Variants in THSD4 observed in about 807,000 individuals in gnomAD.
The protein encoded by THSD4 is thrombospondin type-1 domain-containing protein 4.
THSD4 carries 69 observed loss-of-function variants against 119.0 expected under a neutral mutation model. That is an observed-to-expected ratio of 0.58 (90% CI 0.48 to 0.71). THSD4 has a LOEUF of 0.71. Among genes scored for constraint, THSD4 ranks in the 30% least tolerant of loss-of-function variants. The probability of loss-of-function intolerance (pLI) is 0.00; values close to 1 mark genes in which losing one functional copy is unlikely to be tolerated. For synonymous variants in THSD4, 524 were observed against 540.4 expected (o/e 0.97, Z 0.42); for missense variants, 1,393 against 1,391.1 (o/e 1.00, Z -0.02).
At chr15:71,683,722 C>T (rs1204598142) in intron 8 of THSD4, among the ~76,000 whole-genome samples, 1 of 152,154 alleles carries the variant, frequency 6.6e-6, no homozygotes, top group African/African-American at 2.4e-5. Context: ...CACCTGTAAT[C>T]CCAGCACTTT....
intron 6 of THSD4, among the ~76,000 whole-genome samples, chr15:71,275,716 T>A (rs1427415215): frequency 6.6e-6 from 1 of 152,156 alleles, no homozygotes; most frequent in Non-Finnish European, 1.5e-5. Flanking sequence ...TGGGGATAAT[T>A]GAATCATGGG....
intron 7 of THSD4, among the ~76,000 whole-genome samples, chr15:71,598,165 GT>G (rs1291307516): frequency 6.6e-6 from 1 of 152,180 alleles, no homozygotes; most frequent in Middle Eastern, 3.2e-3. Context: ...CGCCGAGCCA[GT>G]TTTAAAGTTA....
rs199855791 is a variant in THSD4, at chr15:71,700,728, G to GA, written c.1358-27818dup. Among the ~76,000 whole-genome samples, 974 of 152,174 alleles carry GA rather than the reference G, an allele frequency of 6.4e-3. 12 individuals are homozygous for GA. The highest frequency in any genetic ancestry group is 0.021 in the African/African-American group (884 of 41,548). ...ACAGGGATACCAAAGAGATGGTAAT[G>GA]AAATGAAATAATCTAGAAATAGACC... On this transcript the variant is annotated intron_variant, in intron 8 of 17. Coordinates refer to ENST00000261862, the MANE Select transcript of THSD4 (RefSeq NM_024817.3).
chr15:71,111,926 G>T, upstream of THSD4: 2 of 586,900 alleles, frequency 3.4e-6, no homozygotes, highest in Non-Finnish European at 5.9e-6. Flanking sequence ...AATACATTTG[G>T]GACACTCTGC....
chr15:71,614,252 T>C (rs2050283727), intron 7 of THSD4, among the ~76,000 whole-genome samples: 1 of 152,242 alleles, frequency 6.6e-6, no homozygotes, highest in African/African-American at 2.4e-5. Context: ...ACCATTTACT[T>C]CATTCTGTAT....
At chr15:71,628,057 C>T (rs1450138974) in intron 7 of THSD4, among the ~76,000 whole-genome samples, 25 of 152,208 alleles carry the variant, frequency 1.6e-4, no homozygotes, top group Admixed American at 1.6e-3. Context: ...AGTAGGATCA[C>T]CTGGGAAACA....
intron 8 of THSD4, among the ~76,000 whole-genome samples, chr15:71,687,326 T>C (rs1275167817): frequency 6.6e-6 from 1 of 152,218 alleles, no homozygotes; most frequent in Non-Finnish European, 1.5e-5. Context: ...AGTTATGGGA[T>C]ATTTGCTGTT....
chr15:71,590,907 G>A (rs2049784166), intron 7 of THSD4, among the ~76,000 whole-genome samples: 1 of 149,190 alleles, frequency 6.7e-6, no homozygotes, highest in African/African-American at 2.5e-5. Flanking sequence ...TCAGGAGGCT[G>A]AGGCAGGAGA....
intron 7 of THSD4, among the ~76,000 whole-genome samples, chr15:71,428,195 T>C (rs756426336): frequency 6.6e-6 from 1 of 152,218 alleles, no homozygotes; most frequent in Admixed American, 6.5e-5. Flanking sequence ...GGATCTGTTA[T>C]GGTATATATA....
At position 71,578,489 on chromosome 15, in the gene THSD4, G is replaced by A. The variant is rs1415467214; in HGVS notation, c.1153-82041G>A. Among the ~76,000 whole-genome samples the A allele has an allele frequency of 2.0e-5, 3 of 151,948 alleles. No homozygotes were observed. The East Asian group carries it at 5.8e-4, about 29-fold the overall frequency. On this transcript the variant is annotated intron_variant, in intron 7 of 17. Coordinates refer to ENST00000261862, the MANE Select transcript of THSD4 (RefSeq NM_024817.3). ...TTTGTATAATGTAATCCATAAACAT[G>A]CTTTGTGACTTTGTGACTTTCTTTT...
At chr15:71,103,020 T>C (rs1333372593) in intron 1 of THSD4, among the ~76,000 whole-genome samples, 1 of 152,240 alleles carries the variant, frequency 6.6e-6, no homozygotes, top group South Asian at 2.1e-4. Context: ...TTAGTGTCTG[T>C]TGATTGTCTC....
chr15:71,285,914 G>A lies in THSD4; in HGVS notation c.1015+29199G>A, dbSNP rs560531890. ...TAGTGATTTTTCTTTAAAAATGTGCGTAGTTTCTTTATTAATATCATTGCA... is the reference window on the plus strand; with the variant it reads ...TAGTGATTTTTCTTTAAAAATGTGCATAGTTTCTTTATTAATATCATTGCA... On this transcript the variant is annotated intron_variant, in intron 6 of 17. Coordinates refer to ENST00000261862, the MANE Select transcript of THSD4 (RefSeq NM_024817.3). Among the ~76,000 whole-genome samples the A allele has an allele frequency of 9.0e-5, 13 of 145,152 alleles. 1 individual carries two copies. In the East Asian group the frequency reaches 1.2e-3, roughly 14 times the overall value.
intron 6 of THSD4, among the ~76,000 whole-genome samples, chr15:71,258,458 CG>C (rs1238246688): frequency 1.1e-4 from 17 of 152,252 alleles, no homozygotes; most frequent in Non-Finnish European, 2.4e-4. Flanking sequence ...GGATTACAGA[CG>C]TGAGCCACCG....
chr15:71,289,717 C>G (rs571196288), intron 6 of THSD4, among the ~76,000 whole-genome samples: 54 of 152,280 alleles, frequency 3.5e-4, no homozygotes, highest in Non-Finnish European at 5.6e-4. Flanking sequence ...ACGCGTAGAG[C>G]CCTAACCTGC....
At chr15:71,294,142 C>G (rs1006490458) in intron 6 of THSD4, among the ~76,000 whole-genome samples, 17 of 152,224 alleles carry the variant, frequency 1.1e-4, no homozygotes, top group African/African-American at 2.7e-4. Flanking sequence ...TAACACCTCT[C>G]TGAACCAAAG....
chr15:71,352,882 G>A (rs949270690), intron 6 of THSD4, among the ~76,000 whole-genome samples: 17 of 152,336 alleles, frequency 1.1e-4, no homozygotes, highest in Middle Eastern at 3.4e-3. Flanking sequence ...CGGGACATGG[G>A]TGGAAGGACA....
chr15:71,340,618 T>TC (rs1484201557), intron 6 of THSD4, among the ~76,000 whole-genome samples: 1 of 151,328 alleles, frequency 6.6e-6, no homozygotes, highest in East Asian at 1.9e-4. Context: ...TTTTTTTTTT[T>TC]TTTTTGCGAC....
chr15:71,386,445 G>T (rs2089339377), intron 6 of THSD4, among the ~76,000 whole-genome samples: 1 of 152,146 alleles, frequency 6.6e-6, no homozygotes, highest in African/African-American at 2.4e-5. Flanking sequence ...GGGGTTAGGG[G>T]AGGTGCTGCA....
chr15:71,739,282 C>A (rs1268070829), intron 11 of THSD4, among the ~76,000 whole-genome samples: 1 of 152,114 alleles, frequency 6.6e-6, no homozygotes, highest in African/African-American at 2.4e-5. Flanking sequence ...GCTTTATTGA[C>A]CCCTCACCAC....
Sources: gnomAD v4.1 joint callset for allele counts (sites outside exome capture counted in the v4.1 genomes callset) on GRCh38, gnomAD v4.1.1 for gene constraint, MANE v1.5 for transcripts, NCBI Gene and HGNC (gene_info 2026-07-23, HGNC 2026-07-21) for gene names.